The following USP54 variants were observed in gnomAD, a reference collection of about 807,000 sequenced individuals.
USP54 encodes the protein ubiquitin specific peptidase 54, also known as ubiquitin carboxyl-terminal hydrolase 54.
In USP54, 87 loss-of-function variants were observed where a neutral mutation model predicts 170.5. That is an observed-to-expected ratio of 0.51 (90% CI 0.43 to 0.61). USP54 has a LOEUF of 0.61. Ranked by LOEUF, USP54 falls within the 20% of genes least tolerant of loss-of-function variation. The pLI, the probability that USP54 is intolerant of heterozygous loss-of-function variation, is 0.00. For synonymous variants in USP54, 655 were observed against 742.8 expected (o/e 0.88, Z 1.92); for missense variants, 1,786 against 2,047.8 (o/e 0.87, Z 2.47).
At chr10:73,590,849 TC>T (rs1171134096) in intron 1 of USP54, among the ~76,000 whole-genome samples, 1 of 152,198 alleles carries the variant, frequency 6.6e-6, no homozygotes, top group African/African-American at 2.4e-5. Flanking sequence ...CAAAATAGGC[TC>T]TTTTTTCTTC....
Position 73,500,743 on chromosome 10 carries a change from G to A in USP54, c.4407C>T (p.Leu1469=), listed in dbSNP as rs764656996. Residue 1469 remains leucine (L), a synonymous_variant, in exon 23 of 24, where the codon CTC becomes CTT. Coordinates refer to ENST00000687698, the MANE Select transcript of USP54 (RefSeq NM_001391956.1). ...GTTGGGGAAGGTAGAGTTGGGGACC[G>A]AGGAGAAACACAGAAGGGTCATGGA... ...PVIHDPSVFL[L]GPQLYLPQPQ... 1.1e-5 allele frequency: 17 copies of A among 1,604,464 alleles called. No homozygotes were observed. Among genetic ancestry groups the A allele is most frequent in the African/African-American group, 6.8e-5 (5 of 74,058 alleles).
chr10:73,514,562 C>CAA (rs879915884), intron 20 of USP54, among the ~76,000 whole-genome samples: 2 of 125,356 alleles, frequency 1.6e-5, no homozygotes, highest in Non-Finnish European at 1.7e-5. Context: ...GACTCTGTCT[C>CAA]AAAAAAAAAA....
At chr10:73,610,709 A>G (rs925822878) in intron 1 of USP54, among the ~76,000 whole-genome samples, 3 of 152,142 alleles carry the variant, frequency 2.0e-5, no homozygotes, top group Admixed American at 6.6e-5. Context: ...AAATGAACCT[A>G]CACACAGGTC....
chr10:73,609,222 G>T (rs1229806188), intron 1 of USP54, among the ~76,000 whole-genome samples: 1 of 152,146 alleles, frequency 6.6e-6, no homozygotes, highest in African/African-American at 2.4e-5. Context: ...GGAGTTGAAA[G>T]AAATGGCAAA....
intron 19 of USP54, chr10:73,519,216 G>A (rs1222917539): frequency 6.6e-6 from 1 of 151,998 alleles, no homozygotes; most frequent in African/African-American, 2.4e-5. Flanking sequence ...ATTATTAACG[G>A]TCCAAATTAA....
intron 9 of USP54, among the ~76,000 whole-genome samples, chr10:73,540,488 T>C (rs1378618894): frequency 6.6e-6 from 1 of 151,866 alleles, no homozygotes; most frequent in East Asian, 1.9e-4. Context: ...GAGAATGGCA[T>C]GAACCCAGGA....
At chr10:73,618,704 T>C (rs889271510) in intron 1 of USP54, among the ~76,000 whole-genome samples, 2 of 141,302 alleles carry the variant, frequency 1.4e-5, no homozygotes, top group African/African-American at 2.9e-5. Flanking sequence ...ATTGCGCCAC[T>C]GCACTCCAGC....
At chr10:73,541,804 T>C in intron 7 of USP54, 66 bp from the exon 8 acceptor site, 1 of 1,483,668 alleles carries the variant, frequency 6.7e-7, no homozygotes, top group Non-Finnish European at 9.3e-7. Flanking sequence ...CAAACATTAA[T>C]GTACATTCCT....
At chr10:73,574,597 T>C (rs969162935) in intron 3 of USP54, among the ~76,000 whole-genome samples, 3 of 151,760 alleles carry the variant, frequency 2.0e-5, no homozygotes, top group African/African-American at 7.2e-5. Context: ...CCCAACATAG[T>C]AAAACCCTGT....
At chr10:73,622,805 T>C (rs962511532) in intron 1 of USP54, among the ~76,000 whole-genome samples, 1 of 151,744 alleles carries the variant, frequency 6.6e-6, no homozygotes, top group Non-Finnish European at 1.5e-5. Flanking sequence ...GTACAAAAAT[T>C]AGCCAAGCAC....
At chr10:73,587,482 A>C (rs991965603) in intron 1 of USP54, among the ~76,000 whole-genome samples, 34 of 151,816 alleles carry the variant, frequency 2.2e-4, no homozygotes, top group African/African-American at 6.5e-4. Context: ...CTCAAAAAAA[A>C]CAAAAAGTGC....
intron 5 of USP54, among the ~76,000 whole-genome samples, chr10:73,544,948 G>A (rs1404311856): frequency 2.6e-5 from 4 of 152,128 alleles, no homozygotes; most frequent in Non-Finnish European, 5.9e-5. Flanking sequence ...TCCTGACCTT[G>A]TGATCTGCCT....
Position 73,517,703 on chromosome 10 carries a change from T to A in USP54, c.2723A>T (p.Gln908Leu). ...PLQVLLSQEA[Q>L]LESGMDTEFG... ...CTCTGTATCCATGCCGGATTCCAGT[T>A]GGGCCTCTTGGCTTAACAATACTTG... Residue 908 changes from glutamine (Q) to leucine (L), a missense_variant, in exon 20 of 24, where the codon CAA becomes CTA. Physicochemically the swap from Gln to Leu is moderately radical, Grantham distance 113. Transcript: ENST00000687698. 1 of 1,614,144 alleles carries A rather than the reference T, an allele frequency of 6.2e-7. No individual in the cohort carries two copies. The highest frequency in any genetic ancestry group is 8.5e-7 in the Non-Finnish European group (1 of 1,180,022).
At chr10:73,530,898 C>T in intron 12 of USP54, 63 bp from the exon 13 acceptor site, 1 of 1,602,570 alleles carries the variant, frequency 6.2e-7, no homozygotes, top group African/African-American at 1.3e-5. Flanking sequence ...CTCCTGAGAA[C>T]CTACCTAATC....
chr10:73,542,779 A>T, intron 7 of USP54, 24 bp downstream of exon 7: 1 of 1,608,944 alleles, frequency 6.2e-7, no homozygotes, highest in Non-Finnish European at 8.5e-7. Context: ...CTAAACGCAC[A>T]ACAGAAAATC....
chr10:73,587,877 C>T (rs2077707115), intron 1 of USP54, among the ~76,000 whole-genome samples: 2 of 152,064 alleles, frequency 1.3e-5, no homozygotes, highest in Non-Finnish European at 2.9e-5. Flanking sequence ...ATCTACATTC[C>T]AATCCTAGCT....
chr10:73,506,573 T>C (rs2059168317), intron 20 of USP54: 1 of 152,214 alleles, frequency 6.6e-6, no homozygotes, highest in Non-Finnish European at 1.5e-5. Context: ...ATATTATTCA[T>C]GTAAGTATTG....
At chr10:73,523,993 C>T (rs1392270405) in intron 16 of USP54, among the ~76,000 whole-genome samples, 2 of 150,482 alleles carry the variant, frequency 1.3e-5, no homozygotes, top group Non-Finnish European at 3.0e-5. Flanking sequence ...CTGCAACCTC[C>T]GCCTCCCGGG....
intron 1 of USP54, among the ~76,000 whole-genome samples, chr10:73,612,840 A>AC (rs1491192934): frequency 8.1e-6 from 1 of 124,038 alleles, no homozygotes; most frequent in African/African-American, 3.0e-5. Flanking sequence ...ACATTGTCTC[A>AC]AAAAAAAAAA....
Sources: allele counts gnomAD v4.1 joint callset (sites outside exome capture counted in the v4.1 genomes callset), GRCh38; gene constraint gnomAD v4.1.1; transcripts MANE v1.5; gene names NCBI Gene and HGNC (gene_info 2026-07-23, HGNC 2026-07-21).